SHANK2: variants seen among roughly 807,000 people sequenced by gnomAD.
SHANK2 encodes SH3 and multiple ankyrin repeat domains 2.
SHANK2 carries 43 observed loss-of-function variants against 133.7 expected under a neutral mutation model. The observed-to-expected ratio is 0.32, with a 90% CI of 0.25 to 0.41. The LOEUF (loss-of-function observed/expected upper bound fraction) is 0.41. SHANK2 is among the 10% of genes least tolerant of loss of function. The probability of loss-of-function intolerance (pLI) is 1.00; values close to 1 mark genes in which losing one functional copy is unlikely to be tolerated. For synonymous variants in SHANK2, 1,017 were observed against 952.8 expected (o/e 1.07, Z -1.24); for missense variants, 1,994 against 2,235.8 (o/e 0.89, Z 2.18).
At chr11:71,056,949 CA>C (rs1435617082) in intron 9 of SHANK2, among the ~76,000 whole-genome samples, 2 of 152,246 alleles carry the variant, frequency 1.3e-5, no homozygotes, top group East Asian at 3.9e-4. Flanking sequence ...GAACATTCTT[CA>C]CCTAGGCAGT....
chr11:71,125,512 T>C (rs1952165245), intron 3 of SHANK2, among the ~76,000 whole-genome samples: 1 of 152,124 alleles, frequency 6.6e-6, no homozygotes, highest in Non-Finnish European at 1.5e-5. Flanking sequence ...AGGCCCTGAC[T>C]CTCTTCAATT....
At chr11:70,749,573 G>C (rs138542707) in intron 14 of SHANK2, among the ~76,000 whole-genome samples, 5 of 152,340 alleles carry the variant, frequency 3.3e-5, no homozygotes, top group Non-Finnish European at 2.9e-5. Context: ...TAGCAGGCTT[G>C]AGATGATGCA....
At chr11:71,153,578 G>A (rs1260259811) in intron 2 of SHANK2, among the ~76,000 whole-genome samples, 1 of 152,228 alleles carries the variant, frequency 6.6e-6, no homozygotes, top group Non-Finnish European at 1.5e-5. Flanking sequence ...TGACCTGGGA[G>A]AGAAGATACA....
intron 2 of SHANK2, among the ~76,000 whole-genome samples, chr11:71,189,985 G>A (rs971334057): frequency 2.6e-4 from 39 of 152,238 alleles, no homozygotes; most frequent in Admixed American, 6.5e-4. Flanking sequence ...CAGCCCAAGC[G>A]TCCAGTAGCA....
chr11:70,488,625 G>A (rs1289396096), intron 24 of SHANK2, among the ~76,000 whole-genome samples: 5 of 152,234 alleles, frequency 3.3e-5, no homozygotes, highest in African/African-American at 9.6e-5. Flanking sequence ...GACTGAGCCA[G>A]GAATAGGATC....
chr11:70,523,916 C>G (rs555791186), intron 17 of SHANK2, among the ~76,000 whole-genome samples: 1 of 152,170 alleles, frequency 6.6e-6, no homozygotes, highest in Non-Finnish European at 1.5e-5. Flanking sequence ...CTGCTCCGCA[C>G]GGCCACTGCA....
chr11:70,698,624 C>T, intron 15 of SHANK2, 64 bp downstream of exon 15: 1 of 717,986 alleles, frequency 1.4e-6, no homozygotes, highest in Non-Finnish European at 2.6e-6. Flanking sequence ...TGGTCCAAAG[C>T]ATTTGCAGCA....
At chr11:70,933,277 T>C in intron 10 of SHANK2, 1 of 455,228 alleles carries the variant, frequency 2.2e-6, no homozygotes. Context: ...AAAAGATGAA[T>C]ACTGTAGGAT....
intron 17 of SHANK2, among the ~76,000 whole-genome samples, chr11:70,644,717 C>T (rs1233547996): frequency 6.6e-6 from 1 of 152,236 alleles, no homozygotes; most frequent in Non-Finnish European, 1.5e-5. Context: ...CATCTCCAGA[C>T]CTGCTTGCTA....
chr11:70,501,250 G>A (rs554221195), intron 20 of SHANK2, among the ~76,000 whole-genome samples: 3 of 152,222 alleles, frequency 2.0e-5, no homozygotes, highest in Admixed American at 6.5e-5. Context: ...CGGCCTGGCC[G>A]GCCTCAGCGC....
chr11:71,222,908 C>T (rs1954578589), intron 2 of SHANK2, among the ~76,000 whole-genome samples: 1 of 152,208 alleles, frequency 6.6e-6, no homozygotes, highest in Non-Finnish European at 1.5e-5. Context: ...CGGCCACAGA[C>T]GAGGGGGACT....
intron 11 of SHANK2, among the ~76,000 whole-genome samples, chr11:70,842,813 G>A (rs2135436224): frequency 6.6e-6 from 1 of 152,308 alleles, no homozygotes; most frequent in Non-Finnish European, 1.5e-5. Flanking sequence ...CCAAGAGACG[G>A]CCGAGGTGAA....
chr11:70,600,418 C>CAAAAAAAAAA (rs56103044), intron 17 of SHANK2, among the ~76,000 whole-genome samples: 29 of 95,412 alleles, frequency 3.0e-4, no homozygotes, highest in East Asian at 9.0e-4. Flanking sequence ...GACTCTGTCT[C>CAAAAAAAAAA]AAAAAAAAAA....
chr11:70,875,549 A>C (rs1476992397), intron 11 of SHANK2, among the ~76,000 whole-genome samples: 1 of 151,716 alleles, frequency 6.6e-6, no homozygotes, highest in Non-Finnish European at 1.5e-5. Context: ...CAACAACAAC[A>C]ACAACAACAA....
At chr11:70,649,653 G>A (rs1380783109) in intron 17 of SHANK2, among the ~76,000 whole-genome samples, 1 of 152,142 alleles carries the variant, frequency 6.6e-6, no homozygotes, top group African/African-American at 2.4e-5. Flanking sequence ...GAGGAGGGGG[G>A]CAGGTGGAGA....
chr11:71,092,418 G>C lies in SHANK2; in HGVS notation c.912+4C>G. On this transcript the variant is annotated splice_donor_region_variant and intron_variant, in intron 8 of 25. Transcript: ENST00000601538. ...CAACAGAGTGGAGAAGCGGGCCCACGTACCTGGTGGATCTCGTGCCAGCCG... is the reference window on the plus strand; with the variant it reads ...CAACAGAGTGGAGAAGCGGGCCCACCTACCTGGTGGATCTCGTGCCAGCCG... The C allele has an allele frequency of 6.4e-7, 1 of 1,551,196 alleles. No homozygotes were observed. Among genetic ancestry groups the C allele is most frequent in the South Asian group, 1.2e-5 (1 of 84,030 alleles).
intron 2 of SHANK2, among the ~76,000 whole-genome samples, chr11:71,202,462 C>T (rs1555117287): frequency 6.6e-6 from 1 of 152,218 alleles, no homozygotes; most frequent in African/African-American, 2.4e-5. Flanking sequence ...TGAGGGTACT[C>T]CCAGCCCCTC....
intron 2 of SHANK2, among the ~76,000 whole-genome samples, chr11:71,195,832 C>A (rs1417579993): frequency 1.3e-5 from 2 of 152,148 alleles, no homozygotes; most frequent in African/African-American, 4.8e-5. Flanking sequence ...CCTTGAGGAA[C>A]AAGAAAGGAC....
At chr11:70,721,798 C>G (rs1946080161) in intron 14 of SHANK2, among the ~76,000 whole-genome samples, 1 of 152,254 alleles carries the variant, frequency 6.6e-6, no homozygotes, top group Non-Finnish European at 1.5e-5. Flanking sequence ...GAGCTCAGAG[C>G]CTAAACTCTT....
Sources: gnomAD v4.1 joint callset for allele counts (sites outside exome capture counted in the v4.1 genomes callset) on GRCh38, gnomAD v4.1.1 for gene constraint, MANE v1.5 for transcripts, NCBI Gene and HGNC (gene_info 2026-07-23, HGNC 2026-07-21) for gene names.